GTF2IRD1: variants seen among roughly 807,000 people sequenced by gnomAD.
The protein encoded by GTF2IRD1 is GTF2I repeat domain containing 1.
A neutral mutation model predicts 113.2 loss-of-function variants in GTF2IRD1; 26 were observed. That is an observed-to-expected ratio of 0.23 (90% CI 0.17 to 0.32). The LOEUF (loss-of-function observed/expected upper bound fraction) is 0.32, where lower values mean the gene tolerates loss of function less well. Among genes scored for constraint, GTF2IRD1 ranks in the 10% least tolerant of loss-of-function variants. The probability of loss-of-function intolerance (pLI) is 1.00; values close to 1 mark genes in which losing one functional copy is unlikely to be tolerated. For synonymous variants in GTF2IRD1, 484 were observed against 529.1 expected (o/e 0.91, Z 1.17); for missense variants, 864 against 1,280.8 (o/e 0.67, Z 4.97).
chr7:74,567,107 A>G (rs1583906996), intron 22 of GTF2IRD1, among the ~76,000 whole-genome samples: 1 of 152,146 alleles, frequency 6.6e-6, no homozygotes, highest in Non-Finnish European at 1.5e-5. Flanking sequence ...AGGCAGGCGG[A>G]TCACAAGGTC....
intron 1 of GTF2IRD1, among the ~76,000 whole-genome samples, chr7:74,472,013 C>A (rs539999686): frequency 1.6e-4 from 25 of 152,204 alleles, no homozygotes; most frequent in Admixed American, 2.6e-4. Context: ...AACAAACAAA[C>A]AAAACAGAAC....
chr7:74,487,927 T>C (rs1239042522), intron 1 of GTF2IRD1, among the ~76,000 whole-genome samples: 1 of 152,204 alleles, frequency 6.6e-6, no homozygotes, highest in Non-Finnish European at 1.5e-5. Context: ...TTCAGAATAT[T>C]GTGCCTCCTC....
intron 2 of GTF2IRD1, among the ~76,000 whole-genome samples, chr7:74,508,615 TG>T (rs143533662): frequency 0.1 from 15,185 of 150,128 alleles, 1,897 homozygotes; most frequent in East Asian, 0.39. Context: ...TGCTTGAACC[TG>T]GGAGGTGGAG....
chr7:74,538,198 G>C, intron 12 of GTF2IRD1, 25 bp downstream of exon 12: 1 of 1,610,714 alleles, frequency 6.2e-7, no homozygotes, highest in Non-Finnish European at 8.5e-7. Context: ...GGCCCGCTGT[G>C]TGTGTGGTGG....
intron 22 of GTF2IRD1, among the ~76,000 whole-genome samples, chr7:74,575,774 T>G (rs115938934): frequency 3.3e-5 from 5 of 152,268 alleles, no homozygotes; most frequent in African/African-American, 1.2e-4. Flanking sequence ...TCAGGCGTGT[T>G]CAATCTGGGG....
Position 74,538,122 on chromosome 7 carries a change from G to T in GTF2IRD1, c.1410-14G>T. 1 of 1,611,846 alleles carries T rather than the reference G, an allele frequency of 6.2e-7. No homozygotes were observed. Among genetic ancestry groups the T allele is most frequent in the Non-Finnish European group, 8.5e-7 (1 of 1,179,562 alleles). On this transcript the variant is annotated splice_polypyrimidine_tract_variant and intron_variant, in intron 11 of 26. Transcript: ENST00000424337. ...ACTTGGCTGACAGGTGTCATTTCCT[G>T]CTTCCCTTCACAGGTCAGACAAGGG...
At chr7:74,530,776 G>A (rs1797919830) in intron 9 of GTF2IRD1, among the ~76,000 whole-genome samples, 1 of 152,046 alleles carries the variant, frequency 6.6e-6, no homozygotes, top group Non-Finnish European at 1.5e-5. Flanking sequence ...ACATCATTAA[G>A]TGCATCGGTG....
At chr7:74,488,407 G>C (rs1795141124) in intron 1 of GTF2IRD1, among the ~76,000 whole-genome samples, 1 of 152,212 alleles carries the variant, frequency 6.6e-6, no homozygotes, top group African/African-American at 2.4e-5. Context: ...AAAAACAAAT[G>C]GGTGACTTTA....
At chr7:74,601,978 C>T (rs587755773) in intron 26 of GTF2IRD1, 24 of 165,596 alleles carry the variant, frequency 1.4e-4, no homozygotes, top group South Asian at 3.4e-4. Flanking sequence ...TGGTGGCTCA[C>T]GCCTGTAATC....
intron 1 of GTF2IRD1, among the ~76,000 whole-genome samples, chr7:74,480,805 T>A (rs1388313990): frequency 2.0e-5 from 3 of 152,150 alleles, no homozygotes; most frequent in African/African-American, 7.2e-5. Context: ...AAACCTGAGT[T>A]TGGGGGCTCT....
chr7:74,506,094 C>T (rs1014365321), intron 1 of GTF2IRD1: 25 of 152,250 alleles, frequency 1.6e-4, no homozygotes, highest in African/African-American at 6.0e-4. Flanking sequence ...AGAGCCAGAA[C>T]TGAGGCCAGA....
At chr7:74,600,985 G>A (rs1290541166) in intron 25 of GTF2IRD1, 59 bp from the exon 26 acceptor site, 5 of 1,591,258 alleles carry the variant, frequency 3.1e-6, no homozygotes, top group Non-Finnish European at 4.3e-6. Context: ...GGGAGCTCAG[G>A]AGGCTGAGAC....
At chr7:74,525,039 CA>C (rs1209644417) in intron 8 of GTF2IRD1, among the ~76,000 whole-genome samples, 1 of 151,170 alleles carries the variant, frequency 6.6e-6, no homozygotes, top group African/African-American at 2.4e-5. Context: ...CCTATCTCTA[CA>C]AAAAAACAAA....
chr7:74,595,410 AAAAG>A (rs1288135064), intron 25 of GTF2IRD1, among the ~76,000 whole-genome samples: 1 of 151,512 alleles, frequency 6.6e-6, no homozygotes, highest in African/African-American at 2.4e-5. Flanking sequence ...CATCTCGAAA[AAAAG>A]AAAAAAAGAA....
At chr7:74,486,237 T>A (rs1795018948) in intron 1 of GTF2IRD1, among the ~76,000 whole-genome samples, 1 of 152,162 alleles carries the variant, frequency 6.6e-6, no homozygotes. Flanking sequence ...TGGAGTCTAT[T>A]TCTGTTAGGA....
At chr7:74,533,979 T>G (rs1412307847) in intron 9 of GTF2IRD1, among the ~76,000 whole-genome samples, 2 of 150,696 alleles carry the variant, frequency 1.3e-5, no homozygotes, top group African/African-American at 4.9e-5. Flanking sequence ...CAGTGAGCTA[T>G]GATTGCACCA....
intron 1 of GTF2IRD1, among the ~76,000 whole-genome samples, chr7:74,496,373 CATAT>C (rs781992592): frequency 1.5e-5 from 2 of 131,888 alleles, no homozygotes; most frequent in South Asian, 2.5e-4. Flanking sequence ...TGTGTGTGTG[CATAT>C]ATGTGTGTGA....
chr7:74,514,866 G>A (rs961702037), intron 3 of GTF2IRD1, among the ~76,000 whole-genome samples: 1 of 151,856 alleles, frequency 6.6e-6, no homozygotes, highest in South Asian at 2.1e-4. Context: ...AGACCAGCCT[G>A]GCCAACATGG....
At chr7:74,478,563 C>T (rs1402114415) in intron 1 of GTF2IRD1, among the ~76,000 whole-genome samples, 1 of 152,140 alleles carries the variant, frequency 6.6e-6, no homozygotes, top group Non-Finnish European at 1.5e-5. Flanking sequence ...TCAAGCGATC[C>T]TCCCACCTCA....
Sources: allele counts gnomAD v4.1 joint callset (sites outside exome capture counted in the v4.1 genomes callset), GRCh38; gene constraint gnomAD v4.1.1; transcripts MANE v1.5; gene names NCBI Gene and HGNC (gene_info 2026-07-23, HGNC 2026-07-21).